The following COL4A5 variants were observed in gnomAD, a reference collection of about 807,000 sequenced individuals.
The protein encoded by COL4A5 is collagen type IV alpha 5 chain, also known as collagen alpha-5(IV) chain.
A neutral mutation model predicts 130.2 loss-of-function variants in COL4A5; 26 were observed. The observed-to-expected ratio is 0.20, with a 90% CI of 0.15 to 0.28. COL4A5 has a LOEUF of 0.28. COL4A5 is among the 10% of genes least tolerant of loss of function. COL4A5 has a pLI of 1.00. For missense variants in COL4A5, 1,131 were observed against 1,344.3 expected, an observed-to-expected ratio of 0.84 and a Z score of 2.48; for synonymous variants, 496 against 439.6, an observed-to-expected ratio of 1.13 and a Z score of -1.60.
At chrX:108,460,656 ATTTTTTTTTTTTTTTTT>A (rs751991149) in intron 1 of COL4A5, among the ~76,000 whole-genome samples, 2 of 39,446 alleles carry the variant, frequency 5.1e-5, no homozygotes, top group Non-Finnish European at 4.5e-5. Flanking sequence ...CGCCTGGCAA[ATTTTTTTTTTTTTTTTT>A]TTTTTTTTTT....
chrX:108,683,336 G>A (rs1177080465), intron 47 of COL4A5, among the ~76,000 whole-genome samples: 1 of 111,456 alleles, frequency 9.0e-6, no homozygotes, highest in Non-Finnish European at 1.9e-5. Flanking sequence ...GATGCCTCCA[G>A]CTTTATTCTT....
chrX:108,458,872 G>T (rs868785823), intron 1 of COL4A5, among the ~76,000 whole-genome samples: 1 of 110,740 alleles, frequency 9.0e-6, no homozygotes, highest in African/African-American at 3.3e-5. Flanking sequence ...CCCAGCTACT[G>T]GGGAGGCTGA....
In COL4A5 at chrX:108,614,574, A is replaced by G. The variant is rs752990326; in HGVS notation, c.2396-337A>G. ...TAGTAAAAAGGAAAATGTTGAAGTTATCTATCTTAAAATATAGGTAACTTG... is the reference window on the plus strand; with the variant it reads ...TAGTAAAAAGGAAAATGTTGAAGTTGTCTATCTTAAAATATAGGTAACTTG... On this transcript the variant is annotated intron_variant, in intron 29 of 52. Coordinates refer to ENST00000328300, the MANE Select transcript of COL4A5 (RefSeq NM_033380.3). Among the ~76,000 whole-genome samples, 3 of 112,062 alleles carry G rather than the reference A, an allele frequency of 2.7e-5. No individual in the cohort carries two copies. The South Asian group carries it at 1.1e-3, about 42-fold the overall frequency.
At chrX:108,505,286 C>T (rs1923846220) in intron 1 of COL4A5, among the ~76,000 whole-genome samples, 3 of 109,089 alleles carry the variant, frequency 2.8e-5, no homozygotes, top group African/African-American at 1.0e-4. Flanking sequence ...GTACAGTGTA[C>T]ATTATTTGGG....
intron 1 of COL4A5, among the ~76,000 whole-genome samples, chrX:108,468,863 CTA>C (rs1156935143): frequency 2.7e-5 from 3 of 109,787 alleles, no homozygotes; most frequent in Non-Finnish European, 5.7e-5. Context: ...CAGAATAAAA[CTA>C]TATTTATAGA....
At chrX:108,569,293 G>A (rs763923657) in intron 6 of COL4A5, among the ~76,000 whole-genome samples, 3 of 111,918 alleles carry the variant, frequency 2.7e-5, no homozygotes, top group Non-Finnish European at 5.6e-5. Context: ...CAGCACATCC[G>A]TTTTTACTAT....
intron 37 of COL4A5, among the ~76,000 whole-genome samples, chrX:108,661,481 A>G (rs1205441898): frequency 2.7e-5 from 3 of 111,891 alleles, no homozygotes; most frequent in South Asian, 7.3e-4. Flanking sequence ...TACTCATTAT[A>G]TACATGTTTG....
intron 1 of COL4A5, among the ~76,000 whole-genome samples, chrX:108,477,379 C>T (rs2064843202): frequency 1.8e-5 from 2 of 111,753 alleles, no homozygotes; most frequent in Admixed American, 9.5e-5. Flanking sequence ...CAATCCCCAA[C>T]CCAAATACTA....
Position 108,605,602 on chromosome X carries a change from G to A in COL4A5, c.2245-1140G>A, listed in dbSNP as rs140834108. On this transcript the variant is annotated intron_variant, in intron 28 of 52. Coordinates refer to ENST00000328300, the MANE Select transcript of COL4A5 (RefSeq NM_033380.3). Reference sequence around the variant, plus strand: ...GAGCACATGCTATAGGAAAAATTGCGCTGATAGACCTGCTCAATGTAGGGT... The same window carrying A: ...GAGCACATGCTATAGGAAAAATTGCACTGATAGACCTGCTCAATGTAGGGT... Among the ~76,000 whole-genome samples, 492 of 111,944 alleles carry A rather than the reference G, an allele frequency of 4.4e-3. 4 individuals carry two copies. The highest frequency in any genetic ancestry group is 0.014 in the African/African-American group (422 of 30,807).
Position 108,681,820 on chromosome X carries a change from C to T in COL4A5, c.4148C>T (p.Pro1383Leu), listed in dbSNP as rs773570764. The T allele has an allele frequency of 9.1e-6, 11 of 1,209,980 alleles. No homozygotes were observed. Among genetic ancestry groups the T allele is most frequent in the Non-Finnish European group, 1.2e-5 (11 of 894,292 alleles). The change falls in exon 47 of 53, where the codon CCT (proline) becomes CTT (leucine). Residue 1383 changes from proline to leucine, a missense_variant. Pro to Leu is a moderately conservative substitution (Grantham distance 98, BLOSUM62 -3). Transcript: ENST00000328300. ...ATCATAATTAAAGGAGATGCTGGTC[C>T]TCCAGGAATCCCTGGCCAGCCTGGG... is the stretch of plus-strand genomic sequence containing the variant. The part of the protein sequence containing the change: ...QSIIIKGDAG[P>L]PGIPGQPGLK...
chrX:108,572,015 T>C (rs1421761312), intron 8 of COL4A5, among the ~76,000 whole-genome samples, 178 bp downstream of exon 8: 1 of 111,938 alleles, frequency 8.9e-6, no homozygotes, highest in Non-Finnish European at 1.9e-5. Flanking sequence ...TTTAAGTACC[T>C]TGTATGTGCT....
chrX:108,578,490 G>A, intron 13 of COL4A5, 107 bp downstream of exon 13: 6 of 580,978 alleles, frequency 1.0e-5, no homozygotes, highest in African/African-American at 2.2e-5. Context: ...ACATCACATT[G>A]TTTACACCTT....
At chrX:108,589,320 G>A (rs1253296521) in intron 19 of COL4A5, among the ~76,000 whole-genome samples, 1 of 110,706 alleles carries the variant, frequency 9.0e-6, no homozygotes, top group Non-Finnish European at 1.9e-5. Context: ...CACACCAATT[G>A]AAGAAAGAAA....
intron 52 of COL4A5, chrX:108,695,751 T>C (rs781627009): frequency 6.8e-6 from 2 of 294,643 alleles, no homozygotes; most frequent in East Asian, 7.8e-5. Context: ...ACCCCAGGAA[T>C]TGAAGTTACA....
At chrX:108,537,932 A>G (rs2065479312) in intron 1 of COL4A5, among the ~76,000 whole-genome samples, 1 of 112,023 alleles carries the variant, frequency 8.9e-6, no homozygotes, top group Non-Finnish European at 1.9e-5. Context: ...TAAATTTTAT[A>G]AAATCCATAG....
intron 1 of COL4A5, among the ~76,000 whole-genome samples, chrX:108,463,929 A>T (rs1191243707): frequency 8.9e-6 from 1 of 111,794 alleles, no homozygotes; most frequent in Non-Finnish European, 1.9e-5. Context: ...TTATTGCAGT[A>T]CAAAATCCCT....
At chrX:108,590,570 A>G (rs1033284788) in intron 19 of COL4A5, among the ~76,000 whole-genome samples, 1 of 111,843 alleles carries the variant, frequency 8.9e-6, no homozygotes, top group African/African-American at 3.2e-5. Context: ...AAATTTATTT[A>G]GAAAAGTAAA....
At chrX:108,461,748 T>C (rs1314713457) in intron 1 of COL4A5, among the ~76,000 whole-genome samples, 1 of 110,522 alleles carries the variant, frequency 9.0e-6, no homozygotes, top group Non-Finnish European at 1.9e-5. Context: ...CATGCGCCAC[T>C]ACCCCCGGCT....
chrX:108,666,424 G>A, intron 38 of COL4A5, 72 bp from the exon 39 acceptor site: 2 of 739,628 alleles, frequency 2.7e-6, no homozygotes, highest in South Asian at 4.5e-5. Flanking sequence ...GGATAAAGAA[G>A]GGAGCATATG....
Sources: allele counts gnomAD v4.1 joint callset (sites outside exome capture counted in the v4.1 genomes callset), GRCh38; gene constraint gnomAD v4.1.1; transcripts MANE v1.5; gene names NCBI Gene and HGNC (gene_info 2026-07-23, HGNC 2026-07-21).